The following ADAMTSL1 variants were observed in gnomAD, a reference collection of about 807,000 sequenced individuals.
ADAMTSL1 encodes the protein ADAMTS like 1.
A neutral mutation model predicts 201.8 loss-of-function variants in ADAMTSL1; 126 were observed. The ratio of observed to expected loss-of-function variants is 0.62; its 90% CI spans 0.54 to 0.72. The LOEUF (loss-of-function observed/expected upper bound fraction) is 0.72, where lower values mean the gene tolerates loss of function less well. Among genes scored for constraint, ADAMTSL1 ranks in the 30% least tolerant of loss-of-function variants. The pLI, the probability that ADAMTSL1 is intolerant of heterozygous loss-of-function variation, is 0.00. For synonymous variants in ADAMTSL1, 1,121 were observed against 903.4 expected (o/e 1.24, Z -4.32); for missense variants, 2,679 against 2,277.8 (o/e 1.18, Z -3.59).
chr9:18,034,644 A>T (rs1411168557), intron 1 of ADAMTSL1, among the ~76,000 whole-genome samples: 1 of 152,086 alleles, frequency 6.6e-6, no homozygotes, highest in Non-Finnish European at 1.5e-5. Context: ...TTCTCTGTGG[A>T]TATCATTAAG....
intron 8 of ADAMTSL1, among the ~76,000 whole-genome samples, chr9:18,658,984 G>C (rs1229982038): frequency 6.6e-6 from 1 of 152,196 alleles, no homozygotes; most frequent in African/African-American, 2.4e-5. Flanking sequence ...CAATCAGTGT[G>C]TGAATATTTT....
chr9:18,185,552 A>G (rs1475510045), intron 2 of ADAMTSL1, among the ~76,000 whole-genome samples: 1 of 152,184 alleles, frequency 6.6e-6, no homozygotes, highest in Non-Finnish European at 1.5e-5. Context: ...AGCATGGAAA[A>G]CTAACACAAT....
At position 18,776,761 on chromosome 9, in the gene ADAMTSL1, C is replaced by T; in HGVS notation, c.2552-20C>T. On this transcript the variant is annotated intron_variant, in intron 18 of 28. Transcript: ENST00000380548. ...CTCCCCACCTCTTTCTCTGTCCCTT[C>T]GGGTTCGCTCTCCTTCCAGGGCCCG... 3.9e-6 allele frequency: 6 copies of T among 1,528,020 alleles called. No individual in the cohort carries two copies. Among genetic ancestry groups the T allele is most frequent in the Non-Finnish European group, 5.3e-6 (6 of 1,139,990 alleles). 94.7% of individuals were successfully genotyped at this position (1,528,020 alleles called of 1,614,324 possible). A position where few individuals can be genotyped will look rare whatever the true frequency, so the allele number is the denominator to read the frequency against.
At chr9:18,223,752 T>C (rs1048516481) in intron 2 of ADAMTSL1, among the ~76,000 whole-genome samples, 7 of 152,206 alleles carry the variant, frequency 4.6e-5, no homozygotes, top group African/African-American at 1.7e-4. Flanking sequence ...TTTAATTCTA[T>C]GGTTGTTGCT....
chr9:18,712,545 G>A (rs2133367529), intron 14 of ADAMTSL1, among the ~76,000 whole-genome samples: 1 of 152,180 alleles, frequency 6.6e-6, no homozygotes. Flanking sequence ...GGGAAGTTTA[G>A]AGAAGAAAGA....
At chr9:18,747,803 T>A (rs1215517126) in intron 15 of ADAMTSL1, among the ~76,000 whole-genome samples, 1 of 152,094 alleles carries the variant, frequency 6.6e-6, no homozygotes, top group Non-Finnish European at 1.5e-5. Context: ...GCTAGCCAGA[T>A]CCAGGCAGAG....
intron 1 of ADAMTSL1, among the ~76,000 whole-genome samples, chr9:18,052,912 CT>C (rs1049493719): frequency 6.6e-6 from 1 of 151,970 alleles, no homozygotes; most frequent in South Asian, 2.1e-4. Flanking sequence ...TGGTCACCTA[CT>C]TTTTTTTCTC....
intron 19 of ADAMTSL1, among the ~76,000 whole-genome samples, chr9:18,785,715 T>G (rs2133800066): frequency 6.6e-6 from 1 of 152,328 alleles, no homozygotes; most frequent in South Asian, 2.1e-4. Context: ...CTGGTAAATT[T>G]TCCTTCTCTA....
intron 2 of ADAMTSL1, among the ~76,000 whole-genome samples, chr9:18,276,505 C>A (rs1210738958): frequency 1.3e-5 from 2 of 152,110 alleles, no homozygotes; most frequent in Non-Finnish European, 2.9e-5. Flanking sequence ...TTCAAATTAA[C>A]ATGTGTGTTA....
At chr9:18,693,835 G>A (rs567004409) in intron 13 of ADAMTSL1, among the ~76,000 whole-genome samples, 1 of 152,206 alleles carries the variant, frequency 6.6e-6, no homozygotes, top group Non-Finnish European at 1.5e-5. Context: ...ATGGAAAGAT[G>A]CTCAAAGATG....
At chr9:18,624,109 A>G (rs1247809749) in intron 5 of ADAMTSL1, among the ~76,000 whole-genome samples, 1 of 152,220 alleles carries the variant, frequency 6.6e-6, no homozygotes, top group Non-Finnish European at 1.5e-5. Context: ...CACATGAAAA[A>G]TTGGAGATAC....
intron 1 of ADAMTSL1, among the ~76,000 whole-genome samples, chr9:17,919,906 C>T (rs1826240477): frequency 6.6e-6 from 1 of 152,136 alleles, no homozygotes; most frequent in African/African-American, 2.4e-5. Flanking sequence ...GAGTGTTTTC[C>T]AAACCTGCTA....
At chr9:18,262,147 TC>T (rs201143475) in intron 2 of ADAMTSL1, among the ~76,000 whole-genome samples, 2,253 of 152,308 alleles carry the variant, frequency 0.015, 29 homozygotes, top group Non-Finnish European at 0.023. Context: ...TTTAGATAAA[TC>T]TTACCAGAGT....
chr9:18,187,151 T>C (rs1828773999), intron 2 of ADAMTSL1, among the ~76,000 whole-genome samples: 1 of 152,124 alleles, frequency 6.6e-6, no homozygotes, highest in African/African-American at 2.4e-5. Flanking sequence ...CCCTCAGTCA[T>C]GGGCCTAACT....
chr9:18,198,412 G>GA (rs1222993164), intron 2 of ADAMTSL1, among the ~76,000 whole-genome samples: 31 of 145,966 alleles, frequency 2.1e-4, no homozygotes, highest in Non-Finnish European at 3.6e-4. Context: ...AAATTTACAA[G>GA]AAAAAAACAA....
chr9:17,951,715 C>T (rs760622684), intron 1 of ADAMTSL1, among the ~76,000 whole-genome samples: 13 of 151,246 alleles, frequency 8.6e-5, no homozygotes, highest in Admixed American at 5.3e-4. Flanking sequence ...ACTTCTAATA[C>T]GTGTTACAAA....
intron 2 of ADAMTSL1, among the ~76,000 whole-genome samples, chr9:18,319,638 T>A (rs1180715546): frequency 4.0e-5 from 6 of 151,860 alleles, no homozygotes; most frequent in Non-Finnish European, 5.9e-5. Context: ...CAGGAGGGGG[T>A]CTGACCCTTA....
intron 11 of ADAMTSL1, chr9:18,680,861 C>T: frequency 3.4e-6 from 1 of 293,810 alleles, no homozygotes; most frequent in Non-Finnish European, 6.5e-6. Context: ...GCTCAGTAGA[C>T]CAGAAGTTTG....
intron 3 of ADAMTSL1, among the ~76,000 whole-genome samples, chr9:18,537,968 AAAG>A (rs1355113919): frequency 5.0e-4 from 75 of 149,920 alleles, no homozygotes; most frequent in African/African-American, 1.7e-3. Context: ...AGAAGAGAAG[AAAG>A]AAGAAGAGGA....
Sources: allele counts gnomAD v4.1 joint callset (sites outside exome capture counted in the v4.1 genomes callset), GRCh38; gene constraint gnomAD v4.1.1; transcripts MANE v1.5; gene names NCBI Gene and HGNC (gene_info 2026-07-23, HGNC 2026-07-21).